The following ERMP1 variants were observed in gnomAD, a reference collection of about 807,000 sequenced individuals.
ERMP1 encodes endoplasmic reticulum metallopeptidase 1.
ERMP1 carries 86 observed loss-of-function variants against 92.0 expected under a neutral mutation model. The ratio of observed to expected loss-of-function variants is 0.93; its 90% CI spans 0.79 to 1.12. ERMP1 has a LOEUF of 1.12. Ranked by LOEUF, ERMP1 falls within the 50% of genes most tolerant of loss-of-function variation. The probability of loss-of-function intolerance (pLI) is 0.00; values close to 1 mark genes in which losing one functional copy is unlikely to be tolerated. For missense variants in ERMP1, 1,342 were observed against 1,116.3 expected (o/e 1.20, Z -2.88); for synonymous variants, 530 against 412.8 (o/e 1.28, Z -3.44).
chr9:5,838,240 G>C (rs1239462312), intron 6 of ERMP1, among the ~76,000 whole-genome samples: 1 of 152,116 alleles, frequency 6.6e-6, no homozygotes, highest in Admixed American at 6.6e-5. Flanking sequence ...GATGTACCAG[G>C]AGCCTTAAAA....
intron 4 of ERMP1, among the ~76,000 whole-genome samples, chr9:5,822,283 A>G (rs1259003792): frequency 1.3e-5 from 2 of 152,106 alleles, no homozygotes; most frequent in Admixed American, 6.5e-5. Flanking sequence ...AGATATAGAT[A>G]TATCTCTATA....
chr9:5,849,502 A>G (rs1306907849), intron 6 of ERMP1, among the ~76,000 whole-genome samples: 1 of 152,110 alleles, frequency 6.6e-6, no homozygotes, highest in African/African-American at 2.4e-5. Flanking sequence ...TGCTATGCCC[A>G]CTTCCTTCAT....
At chr9:5,812,032 C>G (rs2131240745) in intron 6 of ERMP1, 93 bp downstream of exon 6, 1 of 788,342 alleles carries the variant, frequency 1.3e-6, no homozygotes, top group Non-Finnish European at 2.1e-6. Flanking sequence ...TACTGCCTCT[C>G]TAATGCACAG....
Position 5,823,900 on chromosome 9 carries a change from T to C in ERMP1, c.870A>G (p.Gln290=), listed in dbSNP as rs956581420. 8.1e-6 allele frequency: 13 copies of C among 1,605,820 alleles called. No homozygotes were observed. The highest frequency in any genetic ancestry group is 1.1e-5 in the Non-Finnish European group (13 of 1,172,676). ...ACAACGCACAATCTCACATACCTGT[T>C]TGGAATACAAGTTCTTTCCCTCCTA... ...AGVGGKELVF[Q]TGPENPWLVQ... is the part of the protein sequence containing the mutation. Residue 290 remains glutamine, a synonymous_variant, in exon 4 of 15, where the codon CAA becomes CAG. Coordinates refer to ENST00000339450, the MANE Select transcript of ERMP1 (RefSeq NM_024896.3).
At chr9:5,856,260 G>A in intron 6 of ERMP1, 1 of 281,562 alleles carries the variant, frequency 3.6e-6, no homozygotes, top group Non-Finnish European at 7.2e-6. Flanking sequence ...CACATGGTCT[G>A]GAACCGAAAG....
At chr9:5,837,993 G>A (rs906148757), upstream of ERMP1, among the ~76,000 whole-genome samples, 11 of 151,964 alleles carry the variant, frequency 7.2e-5, no homozygotes, top group Admixed American at 7.2e-4. Flanking sequence ...AGGCTGAGGT[G>A]GGAGGCAAGA....
intron 5 of ERMP1, among the ~76,000 whole-genome samples, chr9:5,860,099 C>G (rs975210044): frequency 6.6e-6 from 1 of 150,746 alleles, no homozygotes; most frequent in South Asian, 2.1e-4. Context: ...CAGTTTGAGA[C>G]CAGCCGGGGC....
chr9:5,804,379 C>G (rs1014528794), intron 10 of ERMP1, among the ~76,000 whole-genome samples: 2 of 152,052 alleles, frequency 1.3e-5, no homozygotes, highest in African/African-American at 4.8e-5. Context: ...TTTCTTCCCT[C>G]TGGGAATCCC....
In ERMP1 at chr9:5,826,868, T is replaced by TA. The variant is rs1286681999; in HGVS notation, c.641-1650dup. ...ATCTATACAGGGTTGATTAAAAAGT[T>TA]AAACTGTCCATTCAGCTTCCCTTAT... On this transcript the variant is annotated intron_variant, in intron 2 of 14. Transcript: ENST00000339450. 2.0e-5 allele frequency among the ~76,000 whole-genome samples: 3 copies of TA among 152,342 alleles called. No individual in the cohort carries two copies. In the East Asian group the frequency reaches 5.8e-4, roughly 29 times the overall value.
At chr9:5,792,723 GAAT>G (rs1432216774) in intron 13 of ERMP1, among the ~76,000 whole-genome samples, 2 of 152,160 alleles carry the variant, frequency 1.3e-5, no homozygotes, top group Admixed American at 1.3e-4. Flanking sequence ...GATGAATTGA[GAAT>G]ATTATGTTAT....
chr9:5,832,745 G>A lies in ERMP1; in HGVS notation c.283C>T (p.Leu95Phe), dbSNP rs1362513738. ...RTLVQLSLQQ[L>F]VLRGAAGHRG... ...TGTCCAGCGGCCCCGCGTAGCACGA[G>A]CTGCTGCAGCGAGAGCTGCACCAGC... is the stretch of plus-strand genomic sequence containing the variant. Residue 95 changes from leucine to phenylalanine, a missense_variant, in exon 1 of 15, where the codon CTC becomes TTC. Coordinates refer to ENST00000339450, the MANE Select transcript of ERMP1 (RefSeq NM_024896.3). 3.3e-6 allele frequency: 5 copies of A among 1,496,544 alleles called. No individual in the cohort carries two copies. In the East Asian group the frequency reaches 8.6e-5, roughly 26 times the overall value. 92.7% of individuals were successfully genotyped at this position (1,496,544 alleles called of 1,614,324 possible).
chr9:5,812,888 C>A lies in ERMP1; in HGVS notation c.1021+1G>T. The A allele has an allele frequency of 6.2e-7, 1 of 1,613,892 alleles. No individual in the cohort carries two copies. The highest frequency in any genetic ancestry group is 8.5e-7 in the Non-Finnish European group (1 of 1,179,854). ...GTAGGCCGTAACCATTGACAATATA[C>A]CTGGAATGTTCCCAAAATCCCTGTA... On this transcript the variant is annotated splice_donor_variant, in intron 5 of 14. Transcript: ENST00000339450. LOFTEE classifies it high-confidence loss of function.
At chr9:5,799,130 G>A (rs1013652426) in intron 11 of ERMP1, 122 bp from the exon 12 acceptor site, 12 of 645,834 alleles carry the variant, frequency 1.9e-5, no homozygotes, top group Non-Finnish European at 2.7e-5. Flanking sequence ...AAGTGAATAA[G>A]ACACTGAGAG....
chr9:5,842,933 C>T (rs1830184032), intron 6 of ERMP1, among the ~76,000 whole-genome samples: 1 of 152,250 alleles, frequency 6.6e-6, no homozygotes, highest in South Asian at 2.1e-4. Context: ...CAGATTCCTT[C>T]ATGATTCTAA....
At chr9:5,833,383 G>C (rs1265557929), upstream of ERMP1, among the ~76,000 whole-genome samples, 1 of 152,180 alleles carries the variant, frequency 6.6e-6, no homozygotes, top group Non-Finnish European at 1.5e-5. Context: ...CAGTGCATCA[G>C]GCAGATGAAA....
At chr9:5,789,219 C>G (rs1207184335) in intron 13 of ERMP1, among the ~76,000 whole-genome samples, 1 of 151,870 alleles carries the variant, frequency 6.6e-6, no homozygotes, top group Non-Finnish European at 1.5e-5. Context: ...AAGACATAAC[C>G]TAGTAAAACT....
At chr9:5,818,975 AT>A (rs1301020414) in intron 4 of ERMP1, among the ~76,000 whole-genome samples, 2 of 152,202 alleles carry the variant, frequency 1.3e-5, no homozygotes, top group Non-Finnish European at 2.9e-5. Flanking sequence ...TGTTATATGT[AT>A]TTGCATTTAT....
chr9:5,801,521 T>C (rs1233813383), intron 10 of ERMP1, among the ~76,000 whole-genome samples, 193 bp from the exon 11 acceptor site: 2 of 152,190 alleles, frequency 1.3e-5, no homozygotes, highest in African/African-American at 2.4e-5. Context: ...GGTGAGAACC[T>C]AGAAAATGAC....
At position 5,798,991 on chromosome 9, in the gene ERMP1, G is replaced by T. The variant is rs1237906448; in HGVS notation, c.2085C>A (p.Phe695Leu). 6.2e-7 allele frequency: 1 copy of T among 1,612,974 alleles called. No homozygotes were observed. Among genetic ancestry groups the T allele is most frequent in the South Asian group, 1.1e-5 (1 of 91,040 alleles). Residue 695 changes from phenylalanine to leucine, a missense_variant, in exon 12 of 15, where the codon TTC (phenylalanine) becomes TTA (leucine). Phe to Leu is a conservative substitution (Grantham distance 22). Coordinates refer to ENST00000339450, the MANE Select transcript of ERMP1 (RefSeq NM_024896.3). The stretch of plus-strand genomic sequence containing the variant: ...TAACTGCATTTCCTTCCAAGTCATG[G>T]AATGTTCTAGTCATATGCTGAAAAA... ...RVFLQHMTRT[F>L]HDLEGNAVKR... is the part of the protein sequence containing the mutation.
Sources: gnomAD v4.1 joint callset for allele counts (sites outside exome capture counted in the v4.1 genomes callset) on GRCh38, gnomAD v4.1.1 for gene constraint, MANE v1.5 for transcripts, NCBI Gene and HGNC (gene_info 2026-07-23, HGNC 2026-07-21) for gene names.